The following TTL variants were observed in gnomAD, a reference collection of about 807,000 sequenced individuals.
TTL encodes the protein tubulin tyrosine ligase, also known as tubulin--tyrosine ligase.
A neutral mutation model predicts 41.1 loss-of-function variants in TTL; 10 were observed. The observed-to-expected ratio is 0.24, with a 90% CI of 0.15 to 0.41. TTL has a LOEUF of 0.41. Ranked by LOEUF, TTL falls within the 10% of genes least tolerant of loss-of-function variation. TTL has a pLI of 1.00. For missense variants in TTL, 367 were observed against 460.4 expected, an observed-to-expected ratio of 0.80 and a Z score of 1.86; for synonymous variants, 175 against 175.5, an observed-to-expected ratio of 1.00 and a Z score of 0.02.
intron 5 of TTL, among the ~76,000 whole-genome samples, chr2:112,515,901 C>G (rs556032814): frequency 6.6e-6 from 1 of 151,828 alleles, no homozygotes; most frequent in South Asian, 2.1e-4. Context: ...GACCCAAGAT[C>G]ACACCACTGC....
At chr2:112,520,218 C>A (rs1682183694) in intron 5 of TTL, 64 bp from the exon 6 acceptor site, 2 of 1,585,452 alleles carry the variant, frequency 1.3e-6, no homozygotes, top group South Asian at 2.2e-5. Flanking sequence ...TTCAAGCACA[C>A]CTCATGTCTT....
Position 112,499,184 on chromosome 2 carries a change from G to A in TTL, c.470-2022G>A, listed in dbSNP as rs144199584. ...AAAAAAATTAGCCAGGTGTGGTGGC[G>A]CATGCCTGTACTTTCAGCTACTCGG... is the stretch of plus-strand genomic sequence containing the variant. On this transcript the variant is annotated intron_variant, in intron 3 of 6. Transcript: ENST00000233336. 3.0e-3 allele frequency among the ~76,000 whole-genome samples: 452 copies of A among 152,166 alleles called. 13 individuals are homozygous for A. In the East Asian group the frequency reaches 0.066, roughly 22 times the overall value.
At chr2:112,490,857 G>A (rs1681364557) in intron 2 of TTL, among the ~76,000 whole-genome samples, 1 of 152,086 alleles carries the variant, frequency 6.6e-6, no homozygotes, top group Non-Finnish European at 1.5e-5. Context: ...ACAGGAGTGA[G>A]CCACTGTGCC....
intron 2 of TTL, 110 bp from the exon 3 acceptor site, chr2:112,494,033 G>A (rs1235186792): frequency 5.3e-6 from 4 of 753,696 alleles, no homozygotes; most frequent in Non-Finnish European, 8.7e-6. Flanking sequence ...TTAGAAGACT[G>A]AGTCATGCTT....
At chr2:112,526,712 GT>G (rs1397365223) in intron 6 of TTL, among the ~76,000 whole-genome samples, 6 of 150,634 alleles carry the variant, frequency 4.0e-5, no homozygotes, top group African/African-American at 1.5e-4. Flanking sequence ...CGGTCTATCA[GT>G]TTTGTTGATC....
At chr2:112,510,967 A>G (rs909593228) in intron 5 of TTL, among the ~76,000 whole-genome samples, 35 of 152,192 alleles carry the variant, frequency 2.3e-4, no homozygotes, top group East Asian at 9.7e-4. Flanking sequence ...TTAATGTTCT[A>G]TGTGCACTAA....
rs1434424777 is a variant in TTL at position 112,528,752 on chromosome 2, T to A, written c.1091T>A (p.Val364Glu). ...TCCAGTGTCTTCCCACCCCCAGATG[T>A]GGAGCAACCTCAGACCCAGCCAGCT... The part of the protein sequence containing the change: ...AISSVFPPPD[V>E]EQPQTQPAAF... Residue 364 changes from valine to glutamate, a missense_variant, in exon 7 of 7, where the codon GTG becomes GAG. Physicochemically the swap from Val to Glu is moderately radical, Grantham distance 121. Coordinates refer to ENST00000233336, the MANE Select transcript of TTL (RefSeq NM_153712.5). 9 of 1,614,168 alleles carry A rather than the reference T, an allele frequency of 5.6e-6. No individual in the cohort carries two copies. The highest frequency in any genetic ancestry group is 7.6e-6 in the Non-Finnish European group (9 of 1,180,032).
rs1558647448 is a variant in TTL, at chr2:112,534,817, CAT to C, written c.*6023_*6024del. The C allele has an allele frequency of 6.6e-6, 1 of 152,100 alleles. No individual in the cohort carries two copies. The highest frequency in any genetic ancestry group is 2.4e-5 in the African/African-American group (1 of 41,376). The allele number at this position is 152,100 out of a possible 1,614,324, so 9.4% of individuals were successfully genotyped here. ...TCCTAAGAATGCAGAAGGCCACACA[CAT>C]GTGTAGGACTGTGCACATGCCCAGA... is the stretch of plus-strand genomic sequence containing the variant. On this transcript the variant is annotated 3_prime_UTR_variant, in exon 7 of 7. Coordinates refer to ENST00000233336, the MANE Select transcript of TTL (RefSeq NM_153712.5).
At chr2:112,485,093 GTGTGCGCCACCA>G (rs1361292533) in intron 1 of TTL, among the ~76,000 whole-genome samples, 16 of 152,006 alleles carry the variant, frequency 1.1e-4, no homozygotes, top group Non-Finnish European at 2.1e-4. Context: ...AGAATTACCG[GTGTGCGCCACCA>G]CGCCCAGCTA....
At chr2:112,527,980 C>T (rs1340918187) in intron 6 of TTL, among the ~76,000 whole-genome samples, 2 of 152,148 alleles carry the variant, frequency 1.3e-5, no homozygotes, top group African/African-American at 4.8e-5. Flanking sequence ...TTAGTGCTTC[C>T]TTCAGGAGCT....
chr2:112,492,144 G>A (rs1184373716), intron 2 of TTL, among the ~76,000 whole-genome samples: 1 of 152,186 alleles, frequency 6.6e-6, no homozygotes, highest in African/African-American at 2.4e-5. Context: ...GAATAGCGAT[G>A]TGTTTGTGTG....
rs1681228355 is a variant in TTL at position 112,485,943 on chromosome 2, G to C, written c.184G>C (p.Val62Leu). The change falls in exon 2 of 7, where the codon GTG becomes CTG. Residue 62 changes from valine (V) to leucine (L), a missense_variant. Physicochemically the swap from Val to Leu is conservative, Grantham distance 32. Coordinates refer to ENST00000233336, the MANE Select transcript of TTL (RefSeq NM_153712.5). The stretch of plus-strand genomic sequence containing the variant: ...TCACGAGCCCGGGCTGGTACAGTTG[G>C]TGAATTACTACAGGGGTGCTGACAA... ...LGHEPGLVQL[V>L]NYYRGADKLC... 2 of 1,614,026 alleles carry C rather than the reference G, an allele frequency of 1.2e-6. No individual in the cohort carries two copies. The highest frequency in any genetic ancestry group is 2.2e-5 in the South Asian group (2 of 91,084).
At chr2:112,491,220 T>C (rs760980179) in intron 2 of TTL, among the ~76,000 whole-genome samples, 12 of 151,944 alleles carry the variant, frequency 7.9e-5, no homozygotes, top group Non-Finnish European at 1.5e-4. Context: ...CTTGATCTAC[T>C]GACCTTGTGA....
rs1166645183 is a variant in TTL, at chr2:112,535,070, GAA to G, written c.*6277_*6278del. The G allele has an allele frequency of 6.6e-6, 1 of 151,570 alleles. No individual in the cohort carries two copies. The highest frequency in any genetic ancestry group is 1.9e-4 in the East Asian group (1 of 5,180). 9.4% of individuals were successfully genotyped at this position (151,570 alleles called of 1,614,324 possible). On this transcript the variant is annotated 3_prime_UTR_variant, in exon 7 of 7. Coordinates refer to ENST00000233336, the MANE Select transcript of TTL (RefSeq NM_153712.5). ...GAGAAAGATTGAGAAAGAAAAAAGA[GAA>G]AGAAGAAAGAAAAGAAAAAAGGAAA...
chr2:112,523,350 CTGTGTGTG>C (rs60321232), intron 6 of TTL, among the ~76,000 whole-genome samples: 2 of 149,760 alleles, frequency 1.3e-5, no homozygotes, highest in Non-Finnish European at 1.5e-5. Context: ...GTGTGTGTGT[CTGTGTGTG>C]TGTGTGTGTG....
In TTL at chr2:112,537,649, T is replaced by C. The variant is rs534542777; in HGVS notation, c.*8854T>C. 6.6e-6 allele frequency: 1 copy of C among 152,340 alleles called. No homozygotes were observed. The highest frequency in any genetic ancestry group is 1.5e-5 in the Non-Finnish European group (1 of 68,028). The allele number at this position is 152,340 out of a possible 1,614,324, so 9.4% of individuals were successfully genotyped here. A position where few individuals can be genotyped will look rare whatever the true frequency, so the allele number is the denominator to read the frequency against. ...CTTGTATGCCAAGGACATTTTATAT[T>C]GATAAAAGGGTCAGTCCATTAGGAA... On this transcript the variant is annotated 3_prime_UTR_variant, in exon 7 of 7. Coordinates refer to ENST00000233336, the MANE Select transcript of TTL (RefSeq NM_153712.5).
rs751889682 is a variant in TTL, at chr2:112,528,696, A to G, written c.1035A>G (p.Glu345=). Residue 345 remains glutamate (E), a synonymous_variant, in exon 7 of 7, where the codon GAA becomes GAG. Coordinates refer to ENST00000233336, the MANE Select transcript of TTL (RefSeq NM_153712.5). ...CACATTTCAGGAAGCTCTATGCAGA[A>G]CTGTGCCAAGGCATCGTGGACATAG... ...APACAQKLYA[E]LCQGIVDIAI... 1.9e-6 allele frequency: 3 copies of G among 1,613,992 alleles called. No homozygotes were observed. The highest frequency in any genetic ancestry group is 2.7e-5 in the African/African-American group (2 of 74,932).
intron 6 of TTL, among the ~76,000 whole-genome samples, chr2:112,526,531 C>G (rs375312686): frequency 1.3e-5 from 2 of 152,052 alleles, no homozygotes; most frequent in South Asian, 2.1e-4. Flanking sequence ...TGTATGTGTC[C>G]AGGAATTTAT....
At position 112,532,782 on chromosome 2, in the gene TTL, G is replaced by A. The variant is rs1042163724; in HGVS notation, c.*3987G>A. On this transcript the variant is annotated 3_prime_UTR_variant, in exon 7 of 7. Coordinates refer to ENST00000233336, the MANE Select transcript of TTL (RefSeq NM_153712.5). ...TTCTCCAACTCTTAGCTCATAGGCCGTATAAAAGCAGGCCAGATGTGCAGT... is the reference window on the plus strand; with the variant it reads ...TTCTCCAACTCTTAGCTCATAGGCCATATAAAAGCAGGCCAGATGTGCAGT... The A allele has an allele frequency of 3.4e-3, 12 of 3,486 alleles. No homozygotes were observed. The highest frequency in any genetic ancestry group is 7.1e-3 in the Non-Finnish European group (6 of 844). 0.2% of individuals were successfully genotyped at this position (3,486 alleles called of 1,614,324 possible).
Sources: gnomAD v4.1 joint callset for allele counts (sites outside exome capture counted in the v4.1 genomes callset) on GRCh38, gnomAD v4.1.1 for gene constraint, MANE v1.5 for transcripts, NCBI Gene and HGNC (gene_info 2026-07-23, HGNC 2026-07-21) for gene names.